The following PEX7 variants were observed in gnomAD, a reference collection of about 807,000 sequenced individuals.
The protein encoded by PEX7 is peroxisomal biogenesis factor 7, also known as PTS2 receptor.
PEX7 carries 34 observed loss-of-function variants against 47.5 expected under a neutral mutation model. The observed-to-expected ratio is 0.72, with a 90% CI of 0.54 to 0.95. The LOEUF (loss-of-function observed/expected upper bound fraction) is 0.95. Ranked by LOEUF, PEX7 falls within the 40% of genes least tolerant of loss-of-function variation. PEX7 has a pLI of 0.00. For synonymous variants in PEX7, 141 were observed against 148.8 expected, an observed-to-expected ratio of 0.95 and a Z score of 0.38; for missense variants, 394 against 400.3, an observed-to-expected ratio of 0.98 and a Z score of 0.13.
chr6:136,911,490 C>G (rs1775931848), intron 9 of PEX7, among the ~76,000 whole-genome samples: 1 of 152,096 alleles, frequency 6.6e-6, no homozygotes. Flanking sequence ...ACTGCAACCT[C>G]TGCCTCCCAG....
chr6:136,867,419 GAC>G (rs769563648), intron 6 of PEX7, among the ~76,000 whole-genome samples: 4 of 151,826 alleles, frequency 2.6e-5, no homozygotes, highest in Non-Finnish European at 4.4e-5. Context: ...GAAGGTAGAA[GAC>G]AGTGATATTG....
At chr6:136,882,235 T>G (rs1775389868) in intron 8 of PEX7, among the ~76,000 whole-genome samples, 1 of 146,908 alleles carries the variant, frequency 6.8e-6, no homozygotes, top group Non-Finnish European at 1.5e-5. Flanking sequence ...TGCAGTGCAG[T>G]TGTGTGATCT....
chr6:136,884,272 A>G (rs532349179), intron 8 of PEX7, among the ~76,000 whole-genome samples: 9 of 152,324 alleles, frequency 5.9e-5, no homozygotes, highest in African/African-American at 2.2e-4. Context: ...TTTTTACTCC[A>G]TGTGATATGA....
intron 5 of PEX7, among the ~76,000 whole-genome samples, chr6:136,860,905 C>G (rs78397744): frequency 1.3e-5 from 2 of 152,100 alleles, no homozygotes; most frequent in African/African-American, 4.8e-5. Flanking sequence ...ACGTCCCACC[C>G]CAGGTGACCA....
At chr6:136,884,433 AC>A (rs1775432036) in intron 8 of PEX7, among the ~76,000 whole-genome samples, 1 of 152,208 alleles carries the variant, frequency 6.6e-6, no homozygotes, top group African/African-American at 2.4e-5. Context: ...TACAGATACT[AC>A]CTTTAGATTC....
intron 9 of PEX7, among the ~76,000 whole-genome samples, chr6:136,907,715 A>G (rs1020265737): frequency 1.3e-5 from 2 of 152,194 alleles, no homozygotes; most frequent in African/African-American, 2.4e-5. Flanking sequence ...GATTATTATT[A>G]ACAATCACAT....
intron 6 of PEX7, among the ~76,000 whole-genome samples, chr6:136,869,131 C>A (rs1362958565): frequency 6.6e-6 from 1 of 152,196 alleles, no homozygotes; most frequent in Non-Finnish European, 1.5e-5. Context: ...CTCACTGTTG[C>A]CCAGGCTGGT....
At chr6:136,860,170 A>G (rs1375081713) in intron 5 of PEX7, among the ~76,000 whole-genome samples, 3 of 152,168 alleles carry the variant, frequency 2.0e-5, no homozygotes, top group African/African-American at 7.2e-5. Context: ...AGAAAATTCA[A>G]TTGAAAAAAC....
intron 1 of PEX7, 30 bp downstream of exon 1, chr6:136,822,825 G>C: frequency 1.6e-6 from 2 of 1,224,000 alleles, no homozygotes; most frequent in Non-Finnish European, 1.0e-6. Context: ...CTGGGGCCGG[G>C]GGGCGGAGGC....
chr6:136,913,767 A>G lies in PEX7; in HGVS notation c.*241A>G, dbSNP rs537157992. On this transcript the variant is annotated 3_prime_UTR_variant, in exon 10 of 10. Transcript: ENST00000318471. ...TAATTAATGTTATGATATATCTTGT[A>G]GTATCTATTAAAATGTCTCTGGGTC... is the stretch of plus-strand genomic sequence containing the variant. 2.1e-6 allele frequency: 1 copy of G among 471,638 alleles called. No individual in the cohort carries two copies. Among genetic ancestry groups the G allele is most frequent in the African/African-American group, 2.3e-5 (1 of 42,840 alleles). 29.2% of individuals were successfully genotyped at this position (471,638 alleles called of 1,614,324 possible). A position where few individuals can be genotyped will look rare whatever the true frequency, so the allele number is the denominator to read the frequency against.
At chr6:136,867,368 A>G (rs1017075576) in intron 6 of PEX7, among the ~76,000 whole-genome samples, 4 of 152,156 alleles carry the variant, frequency 2.6e-5, no homozygotes, top group African/African-American at 9.7e-5. Flanking sequence ...GAGCTGAAAA[A>G]TTCCTATTGC....
At chr6:136,883,261 C>T (rs1775407370) in intron 8 of PEX7, among the ~76,000 whole-genome samples, 1 of 152,156 alleles carries the variant, frequency 6.6e-6, no homozygotes, top group South Asian at 2.1e-4. Context: ...GTTCAGGTCT[C>T]AGGCATTTTT....
chr6:136,841,598 G>A (rs537687807), intron 3 of PEX7, among the ~76,000 whole-genome samples: 54 of 152,098 alleles, frequency 3.6e-4, no homozygotes, highest in Non-Finnish European at 6.6e-4. Context: ...TTGTTTTTGA[G>A]ACAAGGTCTT....
chr6:136,912,091 A>G (rs151015141), intron 9 of PEX7, among the ~76,000 whole-genome samples: 319 of 152,060 alleles, frequency 2.1e-3, no homozygotes, highest in Non-Finnish European at 3.8e-3. Flanking sequence ...TTTTCATTAG[A>G]TTGCCTTTTA....
Position 136,900,706 on chromosome 6 carries a change from G to A in PEX7, c.903+2465G>A, listed in dbSNP as rs780077421. On this transcript the variant is annotated intron_variant, in intron 9 of 9. Transcript: ENST00000318471. This position sits in a 1 kb window ranked among gnomAD's most constrained non-coding sequence, Gnocchi z 4.2. ...GGGATCCACGTCATGTGCAGTCACC[G>A]CCAGCTGAGCCTTCTTCTTCTCCAC... The A allele has an allele frequency of 9.4e-5, 32 of 338,896 alleles. No homozygotes were observed. The highest frequency in any genetic ancestry group is 1.5e-4 in the Non-Finnish European group (26 of 175,624). The allele number at this position is 338,896 out of a possible 1,614,324, so 21.0% of individuals were successfully genotyped here.
rs1562725935 is a variant in PEX7 at position 136,826,344 on chromosome 6, G to A, written c.214G>A (p.Asp72Asn). 1.2e-6 allele frequency: 2 copies of A among 1,614,018 alleles called. No homozygotes were observed. The highest frequency in any genetic ancestry group is 8.5e-7 in the Non-Finnish European group (1 of 1,180,016). Residue 72 changes from aspartate (D) to asparagine (N), a missense_variant, in exon 3 of 10, where the codon GAT (aspartate) becomes AAT (asparagine). Coordinates refer to ENST00000318471, the MANE Select transcript of PEX7 (RefSeq NM_000288.4). ...CTTTGACTGGAATGATGGTTTGTTTGATGTGACTTGGAGTGAGAACAACGA... is the reference window on the plus strand; with the variant it reads ...CTTTGACTGGAATGATGGTTTGTTTAATGTGACTTGGAGTGAGAACAACGA... ...RSFDWNDGLFDVTWSENNEHV... is the reference protein window; with the variant it reads ...RSFDWNDGLFNVTWSENNEHV...
At chr6:136,894,722 C>G (rs1775619160) in intron 8 of PEX7, among the ~76,000 whole-genome samples, 1 of 152,054 alleles carries the variant, frequency 6.6e-6, no homozygotes, top group Non-Finnish European at 1.5e-5. Context: ...TTATGATATA[C>G]AATTTAAATA....
At chr6:136,833,375 C>G (rs1280161900) in intron 3 of PEX7, among the ~76,000 whole-genome samples, 2 of 152,210 alleles carry the variant, frequency 1.3e-5, no homozygotes, top group African/African-American at 4.8e-5. Context: ...GATTACAATT[C>G]AAGATGAGAT....
At chr6:136,827,504 T>TTGTG (rs5880309) in intron 3 of PEX7, among the ~76,000 whole-genome samples, 20,087 of 140,628 alleles carry the variant, frequency 0.14, 1,456 homozygotes, top group Middle Eastern at 0.23. Context: ...CTGTGTGAAT[T>TTGTG]TGTGTGTGTG....
Sources: gnomAD v4.1 joint callset for allele counts (sites outside exome capture counted in the v4.1 genomes callset) on GRCh38, gnomAD v4.1.1 for gene constraint, Gnocchi (gnomAD v3.1) non-coding constraint, MANE v1.5 for transcripts, NCBI Gene and HGNC (gene_info 2026-07-23, HGNC 2026-07-21) for gene names.